The following CFAP58 variants were observed in gnomAD, a reference collection of about 807,000 sequenced individuals.
The protein encoded by CFAP58 is cilia and flagella associated protein 58.
In CFAP58, 88 loss-of-function variants were observed where a neutral mutation model predicts 119.5. The ratio of observed to expected loss-of-function variants is 0.74; its 90% confidence interval spans 0.62 to 0.88. CFAP58 has a LOEUF of 0.88. CFAP58 is among the 40% of genes least tolerant of loss of function. The pLI is 0.00. For missense variants in CFAP58, 990 were observed against 1,021.2 expected, an observed-to-expected ratio of 0.97 and a Z score of 0.42; for synonymous variants, 365 against 366.3, an observed-to-expected ratio of 1.00 and a Z score of 0.04.
chr10:104,447,864 C>A, intron 16 of CFAP58, 47 bp downstream of exon 16: 1 of 1,544,342 alleles, frequency 6.5e-7, no homozygotes, highest in South Asian at 1.2e-5. Context: ...CAGCCACACT[C>A]TGGGGAGCAC....
chr10:104,413,478 C>A (rs2012492856), intron 15 of CFAP58, among the ~76,000 whole-genome samples: 1 of 152,136 alleles, frequency 6.6e-6, no homozygotes, highest in Admixed American at 6.5e-5. Flanking sequence ...GGAAGGATTT[C>A]TTTTCTTCTG....
At chr10:104,405,514 T>A (rs78019643) in intron 14 of CFAP58, among the ~76,000 whole-genome samples, 4,023 of 152,356 alleles carry the variant, frequency 0.026, 203 homozygotes, top group African/African-American at 0.093. Context: ...GTTAGATTAA[T>A]TCAAAATGTC....
intron 15 of CFAP58, among the ~76,000 whole-genome samples, chr10:104,409,658 A>T (rs180937698): frequency 6.6e-6 from 1 of 152,294 alleles, no homozygotes; most frequent in Non-Finnish European, 1.5e-5. Flanking sequence ...TGAGTATAAG[A>T]TTATAATTTT....
chr10:104,444,081 T>C (rs371503162), intron 15 of CFAP58, among the ~76,000 whole-genome samples: 3 of 152,190 alleles, frequency 2.0e-5, no homozygotes, highest in East Asian at 3.8e-4. Flanking sequence ...AGAAAGCTAG[T>C]ATTTTGGTAT....
intron 15 of CFAP58, among the ~76,000 whole-genome samples, chr10:104,414,620 C>G (rs2012517494): frequency 6.6e-6 from 1 of 152,132 alleles, no homozygotes; most frequent in South Asian, 2.1e-4. Context: ...GATGGGCTTT[C>G]TTAAGATGCC....
chr10:104,428,298 T>C (rs2012784969), intron 15 of CFAP58, among the ~76,000 whole-genome samples: 1 of 151,956 alleles, frequency 6.6e-6, no homozygotes, highest in Non-Finnish European at 1.5e-5. Context: ...TCTGGGAAGT[T>C]GTTGGGGATG....
chr10:104,354,004 C>A, intron 1 of CFAP58, 98 bp downstream of exon 1: 10 of 1,457,394 alleles, frequency 6.9e-6, no homozygotes, highest in Non-Finnish European at 9.6e-6. Context: ...CAATATTTCC[C>A]CCCATCAACA....
At chr10:104,368,356 CTG>C in intron 5 of CFAP58, 65 bp from the exon 6 acceptor site, 2 of 1,534,290 alleles carry the variant, frequency 1.3e-6, no homozygotes, top group Non-Finnish European at 1.8e-6. Flanking sequence ...GTGGGGCCCC[CTG>C]TGTGTATATC....
chr10:104,414,247 C>G (rs185499859), intron 15 of CFAP58, among the ~76,000 whole-genome samples: 1 of 152,284 alleles, frequency 6.6e-6, no homozygotes, highest in African/African-American at 2.4e-5. Context: ...CATTGACAGT[C>G]TTAAACACAC....
chr10:104,368,713 G>A (rs564685853), intron 6 of CFAP58, among the ~76,000 whole-genome samples, 153 bp downstream of exon 6: 1 of 152,182 alleles, frequency 6.6e-6, no homozygotes, highest in Admixed American at 6.5e-5. Context: ...GATTGCTTTA[G>A]GCCCAGAAGC....
intron 15 of CFAP58, among the ~76,000 whole-genome samples, chr10:104,440,848 GCCC>G: frequency 6.6e-6 from 1 of 151,284 alleles, no homozygotes; most frequent in Non-Finnish European, 1.5e-5. Flanking sequence ...CCTTTCCGTG[GCCC>G]ACCAAATTGA....
At chr10:104,413,818 A>G (rs936819861) in intron 15 of CFAP58, among the ~76,000 whole-genome samples, 1 of 152,160 alleles carries the variant, frequency 6.6e-6, no homozygotes. Flanking sequence ...TCAAGATGGC[A>G]TTTCTAATAA....
intron 17 of CFAP58, among the ~76,000 whole-genome samples, chr10:104,451,892 C>G (rs923614834): frequency 1.4e-5 from 2 of 140,452 alleles, no homozygotes; most frequent in African/African-American, 5.5e-5. Context: ...ACATGCCCAG[C>G]TAATTTTTTT....
chr10:104,390,032 T>C (rs1395008028), intron 9 of CFAP58, among the ~76,000 whole-genome samples: 1 of 152,202 alleles, frequency 6.6e-6, no homozygotes, highest in Non-Finnish European at 1.5e-5. Context: ...GGTGTGGAAA[T>C]GTAAAGTGTT....
intron 7 of CFAP58, among the ~76,000 whole-genome samples, chr10:104,374,120 A>G (rs1482450655): frequency 4.6e-5 from 7 of 152,214 alleles, no homozygotes; most frequent in African/African-American, 1.7e-4. Context: ...AATCGACTAA[A>G]AGAATGTCAG....
At chr10:104,350,417 G>A (rs547077212), upstream of CFAP58, among the ~76,000 whole-genome samples, 1 of 152,254 alleles carries the variant, frequency 6.6e-6, no homozygotes, top group South Asian at 2.1e-4. Flanking sequence ...CTAGTCTTCT[G>A]TAATCCAGAA....
upstream of CFAP58, chr10:104,353,795 C>T (rs906953545): frequency 7.0e-7 from 1 of 1,418,460 alleles, no homozygotes; most frequent in Non-Finnish European, 9.7e-7. Flanking sequence ...TCGGGGCGGG[C>T]GATAGAGACA....
intron 9 of CFAP58, among the ~76,000 whole-genome samples, chr10:104,384,563 A>G (rs1157153498): frequency 1.3e-5 from 2 of 152,234 alleles, no homozygotes; most frequent in South Asian, 2.1e-4. Context: ...AAATGCTTCT[A>G]TGGCAAGAAC....
intron 15 of CFAP58, among the ~76,000 whole-genome samples, chr10:104,446,046 G>C (rs1336629622): frequency 2.0e-5 from 3 of 152,214 alleles, no homozygotes; most frequent in Admixed American, 1.3e-4. Context: ...GGACAAAACT[G>C]TTTCATGGAC....
Sources: allele counts gnomAD v4.1 joint callset (sites outside exome capture counted in the v4.1 genomes callset), GRCh38; gene constraint gnomAD v4.1.1; transcripts MANE v1.5; gene names NCBI Gene and HGNC (gene_info 2026-07-23, HGNC 2026-07-21).